Variants in CERS6 observed in about 807,000 individuals in gnomAD.
CERS6 encodes the protein LAG1 homolog, ceramide synthase 6.
CERS6 carries 26 observed loss-of-function variants against 56.8 expected under a neutral mutation model. The observed-to-expected ratio is 0.46, with a 90% CI of 0.34 to 0.63. CERS6 has a LOEUF of 0.63. Among genes scored for constraint, CERS6 ranks in the 30% least tolerant of loss-of-function variants. The pLI is 0.01. For missense variants in CERS6, 415 were observed against 467.5 expected (o/e 0.89, Z 1.04); for synonymous variants, 164 against 173.3 (o/e 0.95, Z 0.42).
At chr2:168,552,922 G>A (rs1320146878) in intron 2 of CERS6, among the ~76,000 whole-genome samples, 1 of 152,216 alleles carries the variant, frequency 6.6e-6, no homozygotes, top group Middle Eastern at 3.4e-3. Context: ...GGCTAAAGAG[G>A]CAAATGAAAA....
chr2:168,554,514 T>C (rs1695640434), intron 2 of CERS6, among the ~76,000 whole-genome samples: 1 of 152,180 alleles, frequency 6.6e-6, no homozygotes. Flanking sequence ...GGGAAGATGC[T>C]GTGAAGAAAC....
At chr2:168,542,737 C>T (rs922080291) in intron 1 of CERS6, among the ~76,000 whole-genome samples, 4 of 151,958 alleles carry the variant, frequency 2.6e-5, no homozygotes, top group South Asian at 2.1e-4. Context: ...TGTGCTGTTG[C>T]CAAGGCTGGA....
At chr2:168,664,888 G>A (rs1685719105) in intron 4 of CERS6, among the ~76,000 whole-genome samples, 2 of 152,102 alleles carry the variant, frequency 1.3e-5, no homozygotes, top group African/African-American at 4.8e-5. Flanking sequence ...ATTTTACCCA[G>A]CTCCTATTTA....
At chr2:168,527,940 C>CA (rs1695099141) in intron 1 of CERS6, among the ~76,000 whole-genome samples, 1 of 152,038 alleles carries the variant, frequency 6.6e-6, no homozygotes, top group Admixed American at 6.5e-5. Flanking sequence ...AGCCTGGTCT[C>CA]AAACTCCTGA....
intron 6 of CERS6, among the ~76,000 whole-genome samples, chr2:168,705,668 A>G (rs1174317671): frequency 6.6e-6 from 1 of 152,182 alleles, no homozygotes; most frequent in African/African-American, 2.4e-5. Context: ...CCCATTGTCA[A>G]TTTAGGCCTC....
chr2:168,462,172 G>A (rs762631183), intron 1 of CERS6, among the ~76,000 whole-genome samples: 2 of 152,056 alleles, frequency 1.3e-5, no homozygotes, highest in Non-Finnish European at 2.9e-5. Context: ...TTACATAGTC[G>A]GGACTTTCAA....
intron 3 of CERS6, among the ~76,000 whole-genome samples, chr2:168,620,822 G>T (rs1213182366): frequency 6.8e-6 from 1 of 147,490 alleles, no homozygotes; most frequent in Non-Finnish European, 1.5e-5. Context: ...GATTGCAGTG[G>T]TGTGATCACA....
intron 1 of CERS6, among the ~76,000 whole-genome samples, chr2:168,501,231 G>C (rs1315481588): frequency 1.3e-5 from 2 of 152,196 alleles, no homozygotes; most frequent in Non-Finnish European, 2.9e-5. Flanking sequence ...TGATTCAGCA[G>C]GGGTAGGTGC....
chr2:168,506,937 G>A (rs1219264339), intron 1 of CERS6, among the ~76,000 whole-genome samples: 1 of 151,976 alleles, frequency 6.6e-6, no homozygotes, highest in South Asian at 2.1e-4. Flanking sequence ...ATTTCAAAAC[G>A]ATTTCAAACA....
At chr2:168,685,431 T>G (rs914409338) in intron 4 of CERS6, among the ~76,000 whole-genome samples, 1 of 152,212 alleles carries the variant, frequency 6.6e-6, no homozygotes, top group East Asian at 1.9e-4. Flanking sequence ...AGATATCCTT[T>G]TCTCTGGTCC....
At chr2:168,506,726 T>A (rs1161727982) in intron 1 of CERS6, among the ~76,000 whole-genome samples, 1 of 152,176 alleles carries the variant, frequency 6.6e-6, no homozygotes, top group Non-Finnish European at 1.5e-5. Flanking sequence ...AGGCTAGAGA[T>A]GTAGTAACTT....
chr2:168,487,785 CT>C (rs1694301276), intron 1 of CERS6, among the ~76,000 whole-genome samples: 1 of 152,172 alleles, frequency 6.6e-6, no homozygotes, highest in Non-Finnish European at 1.5e-5. Flanking sequence ...ACAATCATAG[CT>C]CAGCCAATCA....
intron 1 of CERS6, among the ~76,000 whole-genome samples, chr2:168,546,902 G>A (rs1351248350): frequency 6.6e-6 from 1 of 152,158 alleles, no homozygotes; most frequent in Non-Finnish European, 1.5e-5. Context: ...CACAGCAAAT[G>A]CGACCAGAAA....
At chr2:168,700,562 C>A (rs543832645) in intron 6 of CERS6, among the ~76,000 whole-genome samples, 1 of 152,216 alleles carries the variant, frequency 6.6e-6, no homozygotes, top group East Asian at 1.9e-4. Context: ...TTAAATTTAT[C>A]ATTAAGTAAA....
intron 8 of CERS6, among the ~76,000 whole-genome samples, chr2:168,746,809 A>G (rs1168810262): frequency 3.5e-5 from 4 of 114,610 alleles, no homozygotes; most frequent in African/African-American, 1.0e-4. Flanking sequence ...ATATATATAT[A>G]TATATATATA....
chr2:168,567,842 A>T (rs1343637649), intron 3 of CERS6, among the ~76,000 whole-genome samples: 1 of 152,230 alleles, frequency 6.6e-6, no homozygotes, highest in Admixed American at 6.5e-5. Flanking sequence ...AGTTTCATTT[A>T]GCCTAGCCAG....
intron 4 of CERS6, among the ~76,000 whole-genome samples, chr2:168,688,073 A>G (rs1379393238): frequency 1.3e-5 from 2 of 152,158 alleles, no homozygotes; most frequent in South Asian, 2.1e-4. Context: ...TGAAAAAGGC[A>G]TTCTGTTTCT....
At chr2:168,695,129 A>T in intron 6 of CERS6, 78 bp downstream of exon 6, 1 of 1,059,318 alleles carries the variant, frequency 9.4e-7, no homozygotes, top group Non-Finnish European at 1.5e-6. Flanking sequence ...AGACTCTCAA[A>T]GGCACTCACC....
At chr2:168,679,704 C>A (rs762560143) in intron 4 of CERS6, among the ~76,000 whole-genome samples, 1 of 152,164 alleles carries the variant, frequency 6.6e-6, no homozygotes, top group Non-Finnish European at 1.5e-5. Flanking sequence ...CATTGGCCAA[C>A]GCTGTCAATT....
Sources: gnomAD v4.1 joint callset for allele counts (sites outside exome capture counted in the v4.1 genomes callset) on GRCh38, gnomAD v4.1.1 for gene constraint, MANE v1.5 for transcripts, NCBI Gene and HGNC (gene_info 2026-07-23, HGNC 2026-07-21) for gene names.